The following PELI2 variants were observed in gnomAD, a reference collection of about 807,000 sequenced individuals.
The protein encoded by PELI2 is pellino E3 ubiquitin protein ligase family member 2, also known as E3 ubiquitin-protein ligase pellino homolog 2.
A neutral mutation model predicts 42.3 loss-of-function variants in PELI2; 23 were observed. That is an observed-to-expected ratio of 0.54 (90% CI 0.39 to 0.77). The LOEUF is 0.77. Ranked by LOEUF, PELI2 falls within the 30% of genes least tolerant of loss-of-function variation. The probability of loss-of-function intolerance (pLI) is 0.00; values close to 1 mark genes in which losing one functional copy is unlikely to be tolerated. For missense variants in PELI2, 463 were observed against 553.2 expected, an observed-to-expected ratio of 0.84 and a Z score of 1.64; for synonymous variants, 245 against 212.2, an observed-to-expected ratio of 1.15 and a Z score of -1.34.
At chr14:56,283,244 C>T (rs1337789479) in intron 3 of PELI2, among the ~76,000 whole-genome samples, 5 of 152,194 alleles carry the variant, frequency 3.3e-5, no homozygotes, top group Non-Finnish European at 7.3e-5. Context: ...TTTTCAGCTT[C>T]CCGTTACTAA....
intron 1 of PELI2, among the ~76,000 whole-genome samples, chr14:56,133,822 G>A (rs1386773123): frequency 6.6e-6 from 1 of 152,170 alleles, no homozygotes; most frequent in Non-Finnish European, 1.5e-5. Context: ...CCACGACAGG[G>A]CAGGATCTGG....
chr14:56,173,362 C>G (rs933642304), intron 1 of PELI2, among the ~76,000 whole-genome samples: 4 of 152,072 alleles, frequency 2.6e-5, no homozygotes, highest in Non-Finnish European at 5.9e-5. Flanking sequence ...GAACCAGACT[C>G]TCTTGGGTTT....
At chr14:56,135,074 TA>T (rs1281919862) in intron 1 of PELI2, among the ~76,000 whole-genome samples, 2 of 152,216 alleles carry the variant, frequency 1.3e-5, no homozygotes, top group African/African-American at 4.8e-5. Flanking sequence ...TGTGGTGGCA[TA>T]AATTATTCTG....
At chr14:56,260,765 A>G (rs897254909) in intron 2 of PELI2, among the ~76,000 whole-genome samples, 1 of 152,220 alleles carries the variant, frequency 6.6e-6, no homozygotes, top group Admixed American at 6.5e-5. Context: ...TGAAGTGACA[A>G]AAGTAGAACT....
intron 2 of PELI2, among the ~76,000 whole-genome samples, chr14:56,207,648 G>A (rs1303051616): frequency 6.6e-6 from 1 of 152,208 alleles, no homozygotes; most frequent in Non-Finnish European, 1.5e-5. Context: ...AGCAGATAGG[G>A]AGATTGCTAG....
rs897588122 is a variant in PELI2, at chr14:56,259,334, T to C, written c.208-20342T>C. Among the ~76,000 whole-genome samples the C allele has an allele frequency of 7.2e-5, 11 of 152,164 alleles. No homozygotes were observed. In the South Asian group the frequency reaches 1.9e-3, roughly 26 times the overall value. ...AAATATGAAAGACACTTCTTTCTTA[T>C]TTTTGATCTCTTTAAAAGAATATTG... On this transcript the variant is annotated intron_variant, in intron 2 of 5. Transcript: ENST00000267460.
At chr14:56,140,003 G>GA (rs1883842635) in intron 1 of PELI2, among the ~76,000 whole-genome samples, 1 of 126,082 alleles carries the variant, frequency 7.9e-6, no homozygotes, top group African/African-American at 3.0e-5. Context: ...AATTTATTCT[G>GA]AAAATGGACC....
intron 3 of PELI2, among the ~76,000 whole-genome samples, chr14:56,287,225 TC>T (rs1264096522): frequency 6.6e-6 from 1 of 152,230 alleles, no homozygotes; most frequent in Non-Finnish European, 1.5e-5. Context: ...CACATTTTAC[TC>T]CTAAACTTCA....
intron 1 of PELI2, among the ~76,000 whole-genome samples, chr14:56,147,168 A>G (rs139214257): frequency 2.0e-5 from 3 of 152,354 alleles, no homozygotes; most frequent in East Asian, 3.9e-4. Flanking sequence ...ATTGTATATC[A>G]ATGGCCATGC....
chr14:56,243,578 G>A (rs1199203731), intron 2 of PELI2, among the ~76,000 whole-genome samples: 1 of 152,116 alleles, frequency 6.6e-6, no homozygotes, highest in African/African-American at 2.4e-5. Flanking sequence ...CTTTCAAATA[G>A]TGCATGGCAC....
intron 1 of PELI2, among the ~76,000 whole-genome samples, chr14:56,120,991 ATTT>A (rs1466543684): frequency 1.3e-5 from 2 of 152,204 alleles, no homozygotes; most frequent in African/African-American, 4.8e-5. Flanking sequence ...AGGTAGGAAG[ATTT>A]TTAGAGAGAA....
intron 5 of PELI2, among the ~76,000 whole-genome samples, chr14:56,295,533 C>A (rs1454835242): frequency 6.6e-6 from 1 of 152,210 alleles, no homozygotes; most frequent in East Asian, 1.9e-4. Context: ...AAAGAAAAAC[C>A]TTTTAGAAAC....
chr14:56,290,217 A>G (rs557666677), intron 4 of PELI2, 51 bp from the exon 5 acceptor site: 1 of 1,385,560 alleles, frequency 7.2e-7, no homozygotes, highest in East Asian at 2.4e-5. Flanking sequence ...AATCCTTTCC[A>G]TTTCAACATC....
In PELI2 at chr14:56,171,321, T is replaced by A. The variant is rs147240853; in HGVS notation, c.78-7014T>A. Among the ~76,000 whole-genome samples, 203 of 152,328 alleles carry A rather than the reference T, an allele frequency of 1.3e-3. 1 individual carries two copies. The highest frequency in any genetic ancestry group is 3.4e-3 in the Middle Eastern group (1 of 294). On this transcript the variant is annotated intron_variant, in intron 1 of 5. Transcript: ENST00000267460. ...GATGAGTTCAATTTCTTGCTCTCTC[T>A]GGTACACATGCTCTCTTACCCTTCC...
intron 2 of PELI2, among the ~76,000 whole-genome samples, chr14:56,207,719 A>C (rs1886570520): frequency 6.6e-6 from 1 of 152,206 alleles, no homozygotes; most frequent in African/African-American, 2.4e-5. Flanking sequence ...AGCACCAGCT[A>C]AAGGCCAAAA....
chr14:56,240,335 G>A (rs1887928857), intron 2 of PELI2, among the ~76,000 whole-genome samples: 1 of 152,112 alleles, frequency 6.6e-6, no homozygotes, highest in African/African-American at 2.4e-5. Flanking sequence ...CTCCAGAGAT[G>A]CGTAGGAGGT....
At chr14:56,157,239 AATTGACCTG>A (rs1884601199) in intron 1 of PELI2, among the ~76,000 whole-genome samples, 1 of 152,210 alleles carries the variant, frequency 6.6e-6, no homozygotes, top group Non-Finnish European at 1.5e-5. Context: ...ACTTTTGAGT[AATTGACCTG>A]ATTCACTTAC....
At chr14:56,147,359 A>C (rs954988304) in intron 1 of PELI2, among the ~76,000 whole-genome samples, 1 of 152,184 alleles carries the variant, frequency 6.6e-6, no homozygotes, top group African/African-American at 2.4e-5. Context: ...GTACCATCTT[A>C]CTGAGTTTAT....
intron 1 of PELI2, among the ~76,000 whole-genome samples, chr14:56,141,843 A>C (rs1053413938): frequency 6.6e-6 from 1 of 152,234 alleles, no homozygotes; most frequent in Non-Finnish European, 1.5e-5. Flanking sequence ...CACTGAGCCA[A>C]ACCGTATCAG....
Sources: allele counts gnomAD v4.1 joint callset (sites outside exome capture counted in the v4.1 genomes callset), GRCh38; gene constraint gnomAD v4.1.1; transcripts MANE v1.5; gene names NCBI Gene and HGNC (gene_info 2026-07-23, HGNC 2026-07-21).